ZC3H3: variants seen among roughly 807,000 people sequenced by gnomAD.
The protein encoded by ZC3H3 is zinc finger CCCH domain-containing protein 3.
ZC3H3 carries 36 observed loss-of-function variants against 77.3 expected under a neutral mutation model. That is an observed-to-expected ratio of 0.47 (90% CI 0.36 to 0.61). ZC3H3 has a LOEUF of 0.61. Among genes scored for constraint, ZC3H3 ranks in the 20% least tolerant of loss-of-function variants. ZC3H3 has a pLI of 0.00. For synonymous variants in ZC3H3, 626 were observed against 555.2 expected, an observed-to-expected ratio of 1.13 and a Z score of -1.79; for missense variants, 1,331 against 1,312.2, an observed-to-expected ratio of 1.01 and a Z score of -0.22.
rs115125751 is a variant in ZC3H3, at chr8:143,513,576, C to T, written c.1562-5677G>A. On this transcript the variant is annotated intron_variant, in intron 3 of 11. Coordinates refer to ENST00000262577, the MANE Select transcript of ZC3H3 (RefSeq NM_015117.3). ...CAACAGAGCATGTGGCCCATGTTCC[C>T]GAGAGCCCTGGGCTCTTGCATTTCA... is the stretch of plus-strand genomic sequence containing the variant. 2.5e-3 allele frequency among the ~76,000 whole-genome samples: 378 copies of T among 152,316 alleles called. 1 individual carries two copies. Among genetic ancestry groups the T allele is most frequent in the African/African-American group, 8.5e-3 (353 of 41,552 alleles).
intron 3 of ZC3H3, among the ~76,000 whole-genome samples, chr8:143,517,240 T>C (rs1250691678): frequency 1.3e-5 from 2 of 152,144 alleles, no homozygotes; most frequent in Non-Finnish European, 2.9e-5. Context: ...TGCTATAGAT[T>C]ATGGAGAGTG....
At chr8:143,479,279 C>T (rs927235400) in intron 4 of ZC3H3, among the ~76,000 whole-genome samples, 4 of 152,196 alleles carry the variant, frequency 2.6e-5, no homozygotes, top group Admixed American at 1.3e-4. Flanking sequence ...GGCCTTGTAG[C>T]TTTTCACGGC....
chr8:143,444,934 G>T (rs1255238188), intron 9 of ZC3H3, among the ~76,000 whole-genome samples: 2 of 152,118 alleles, frequency 1.3e-5, no homozygotes, highest in Non-Finnish European at 2.9e-5. Flanking sequence ...AAATGCAAGA[G>T]AATTTATAAA....
chr8:143,462,597 G>A lies in ZC3H3; in HGVS notation c.2307+3120C>T, dbSNP rs1451847597. Among the ~76,000 whole-genome samples, 1 of 152,194 alleles carries A rather than the reference G, an allele frequency of 6.6e-6. No homozygotes were observed. The highest frequency in any genetic ancestry group is 1.5e-5 in the Non-Finnish European group (1 of 68,034). ...TCCCAGGTGACTCAGGTCTCAGCTC[G>A]CACTTGGGGAGCTGAAACCCAAGGC... On this transcript the variant is annotated intron_variant, in intron 9 of 11. Transcript: ENST00000262577. The surrounding 1 kb of genome is among the most constrained non-coding windows in gnomAD (Gnocchi z 4.7).
chr8:143,456,506 A>G (rs917106492), intron 9 of ZC3H3, among the ~76,000 whole-genome samples: 3 of 152,236 alleles, frequency 2.0e-5, no homozygotes, highest in Non-Finnish European at 4.4e-5. Context: ...GGCTATATTA[A>G]TATCAGAAAA....
chr8:143,500,681 C>A (rs2924516), intron 4 of ZC3H3, among the ~76,000 whole-genome samples: 4,240 of 152,282 alleles, frequency 0.028, 178 homozygotes, highest in African/African-American at 0.096. Flanking sequence ...GATTGAGAGG[C>A]AATCATGCCA....
Position 143,530,104 on chromosome 8 carries a change from A to C in ZC3H3, c.1561+6153T>G, listed in dbSNP as rs1037998952. 6.6e-6 allele frequency among the ~76,000 whole-genome samples: 1 copy of C among 152,152 alleles called. No individual in the cohort carries two copies. Among genetic ancestry groups the C allele is most frequent in the Admixed American group, 6.5e-5 (1 of 15,274 alleles). The stretch of plus-strand genomic sequence containing the variant: ...ACAGCAAGCTCTGGGCCAGAGGCAG[A>C]TGCCCGGCCTGGCTCCTGTCAAAGC... On this transcript the variant is annotated intron_variant, in intron 3 of 11. Transcript: ENST00000262577. This position sits in a 1 kb window ranked among gnomAD's most constrained non-coding sequence, Gnocchi z 4.3.
At chr8:143,459,414 C>A (rs929856293) in intron 9 of ZC3H3, among the ~76,000 whole-genome samples, 4 of 152,124 alleles carry the variant, frequency 2.6e-5, no homozygotes, top group African/African-American at 9.7e-5. Flanking sequence ...CTGGGCCTGG[C>A]AGCGCGTGCC....
intron 9 of ZC3H3, among the ~76,000 whole-genome samples, chr8:143,455,208 G>A (rs563688672): frequency 4.6e-4 from 70 of 152,224 alleles, no homozygotes; most frequent in Middle Eastern, 3.4e-3. Context: ...CAGCTACTCA[G>A]GAGGCTGAAA....
intron 4 of ZC3H3, among the ~76,000 whole-genome samples, chr8:143,482,918 G>A (rs895442900): frequency 2.0e-5 from 3 of 152,344 alleles, no homozygotes; most frequent in South Asian, 2.1e-4. Flanking sequence ...CCGGGCCACG[G>A]GGACACGACC....
intron 3 of ZC3H3, among the ~76,000 whole-genome samples, chr8:143,512,762 C>T (rs1355409687): frequency 6.6e-6 from 1 of 152,276 alleles, no homozygotes; most frequent in East Asian, 1.9e-4. Context: ...TTCAGCCCCA[C>T]AGCCGCAAGA....
intron 3 of ZC3H3, among the ~76,000 whole-genome samples, chr8:143,527,055 C>T (rs1157956967): frequency 2.0e-5 from 3 of 152,136 alleles, no homozygotes; most frequent in African/African-American, 4.8e-5. Flanking sequence ...GCCATCGGGA[C>T]GGCCCTGTGC....
intron 4 of ZC3H3, among the ~76,000 whole-genome samples, chr8:143,492,113 G>A (rs763562603): frequency 6.6e-6 from 1 of 152,206 alleles, no homozygotes; most frequent in Non-Finnish European, 1.5e-5. Flanking sequence ...GAAACAAGAA[G>A]GAAAAGACAG....
chr8:143,474,810 A>G (rs970219805), intron 5 of ZC3H3, among the ~76,000 whole-genome samples: 17 of 152,192 alleles, frequency 1.1e-4, no homozygotes, highest in African/African-American at 4.1e-4. Flanking sequence ...AATCCAAAGC[A>G]TTTCCTTCTC....
intron 4 of ZC3H3, among the ~76,000 whole-genome samples, chr8:143,506,478 A>C (rs180747720): frequency 6.6e-6 from 1 of 152,324 alleles, no homozygotes; most frequent in East Asian, 1.9e-4. Context: ...AGATAGAAGA[A>C]CGGAAGAAAA....
intron 3 of ZC3H3, among the ~76,000 whole-genome samples, chr8:143,509,593 G>A (rs1305284059): frequency 1.3e-5 from 2 of 152,222 alleles, no homozygotes; most frequent in Admixed American, 6.5e-5. Flanking sequence ...CTTCCCACAA[G>A]CCTCCCAGGC....
rs766622399 is a variant in ZC3H3 at position 143,539,037 on chromosome 8, G to A, written c.330C>T (p.Val110=). ...GGQPPVPQQH[V]LERQVQLSQG... ...GACTGAGCTGGACCTGTCTCTCAAG[G>A]ACATGCTGCTGCGGGACAGGAGGCT... Residue 110 remains valine (V), a synonymous_variant, in exon 2 of 12, where the codon GTC becomes GTT. Coordinates refer to ENST00000262577, the MANE Select transcript of ZC3H3 (RefSeq NM_015117.3). The A allele has an allele frequency of 8.7e-6, 14 of 1,612,952 alleles. No homozygotes were observed. The highest frequency in any genetic ancestry group is 1.3e-5 in the African/African-American group (1 of 74,940).
At chr8:143,449,956 T>C (rs776934917) in intron 9 of ZC3H3, among the ~76,000 whole-genome samples, 1 of 152,180 alleles carries the variant, frequency 6.6e-6, no homozygotes, top group Non-Finnish European at 1.5e-5. Flanking sequence ...CATATCACTC[T>C]GAGCATTTGG....
At chr8:143,475,196 G>A (rs571459915) in intron 5 of ZC3H3, among the ~76,000 whole-genome samples, 3 of 152,360 alleles carry the variant, frequency 2.0e-5, no homozygotes, top group Admixed American at 2.0e-4. Flanking sequence ...CTCCCAGGAT[G>A]GGACGTGACC....
Sources: allele counts gnomAD v4.1 joint callset (sites outside exome capture counted in the v4.1 genomes callset), GRCh38; gene constraint gnomAD v4.1.1; non-coding constraint Gnocchi (gnomAD v3.1); transcripts MANE v1.5; gene names NCBI Gene and HGNC (gene_info 2026-07-23, HGNC 2026-07-21).